EIF4B: variants seen among roughly 807,000 people sequenced by gnomAD.
EIF4B encodes eukaryotic translation initiation factor 4B.
In EIF4B, 8 loss-of-function variants were observed where a neutral mutation model predicts 79.3. The ratio of observed to expected loss-of-function variants is 0.10; its 90% CI spans 0.06 to 0.18. EIF4B has a LOEUF of 0.18. Among genes scored for constraint, EIF4B ranks in the 10% least tolerant of loss-of-function variants. The pLI, the probability that EIF4B is intolerant of heterozygous loss-of-function variation, is 1.00. For missense variants in EIF4B, 515 were observed against 792.4 expected, an observed-to-expected ratio of 0.65 and a Z score of 4.20; for synonymous variants, 238 against 274.7, an observed-to-expected ratio of 0.87 and a Z score of 1.32.
In EIF4B at chr12:53,019,451, T is replaced by A. The variant is rs1224254010; in HGVS notation, c.360+445T>A. Among the ~76,000 whole-genome samples the A allele has an allele frequency of 4.8e-3, 367 of 75,678 alleles. 3 individuals carry two copies. Among genetic ancestry groups the A allele is most frequent in the African/African-American group, 0.017 (355 of 20,606 alleles). The allele number at this position is 75,678 out of a possible 152,430, so 49.6% of individuals were successfully genotyped here. A position where few individuals can be genotyped will look rare whatever the true frequency, so the allele number is the denominator to read the frequency against. On this transcript the variant is annotated intron_variant, in intron 3 of 14. Coordinates refer to ENST00000262056, the MANE Select transcript of EIF4B (RefSeq NM_001417.7). ...TATATATATATATTTTTTTTTTTTC[T>A]TTTTTTTTTTTTTTTTTTTTTTTGA...
chr12:53,018,646 T>A, intron 2 of EIF4B, 152 bp from the exon 3 acceptor site: 1 of 665,996 alleles, frequency 1.5e-6, no homozygotes, highest in Non-Finnish European at 2.6e-6. Flanking sequence ...CTTCTCTTCG[T>A]AAAGTGCCCT....
intron 10 of EIF4B, among the ~76,000 whole-genome samples, chr12:53,035,987 T>TTTTGTATTTTCAATAGAGATGCAGA (rs141046894): frequency 1.3e-5 from 2 of 150,776 alleles, no homozygotes; most frequent in African/African-American, 4.9e-5. Context: ...CCGACTAATT[T>TTTTGTATTTTCAATAGAGATGCAGA]TTTGAACGGG....
At chr12:53,027,733 T>C in intron 6 of EIF4B, 49 bp from the exon 7 acceptor site, 1 of 1,585,924 alleles carries the variant, frequency 6.3e-7, no homozygotes, top group Non-Finnish European at 8.6e-7. Context: ...GTGTTTCTAT[T>C]AATGGTGTCA....
rs201606561 is a variant in EIF4B at position 53,021,835 on chromosome 12, C to T, written c.507C>T (p.Asp169=). ...TAGGTAACAGGAGAATTCGAGTGGA[C>T]GTTGCTGATCAAGCACAGGATAAAG... ...ESLGNRRIRV[D]VADQAQDKDR... The change falls in exon 5 of 15, where the codon GAC becomes GAT. Residue 169 remains aspartate, a synonymous_variant. Coordinates refer to ENST00000262056, the MANE Select transcript of EIF4B (RefSeq NM_001417.7). 48 of 1,614,136 alleles carry T rather than the reference C, an allele frequency of 3.0e-5. No homozygotes were observed. The East Asian group carries it at 5.6e-4, about 19-fold the overall frequency.
At chr12:53,031,086 G>T (rs1184239503) in intron 8 of EIF4B, among the ~76,000 whole-genome samples, 1 of 152,038 alleles carries the variant, frequency 6.6e-6, no homozygotes, top group Non-Finnish European at 1.5e-5. Flanking sequence ...CACGTTACTG[G>T]CCATTGCCTC....
At chr12:53,006,963 A>T (rs1361581245) in intron 1 of EIF4B, among the ~76,000 whole-genome samples, 1 of 90,018 alleles carries the variant, frequency 1.1e-5, no homozygotes, top group Non-Finnish European at 2.2e-5. Context: ...GGGGGGGAGC[A>T]GTTGGAACGC....
At chr12:53,017,281 G>A (rs989338252) in intron 2 of EIF4B, among the ~76,000 whole-genome samples, 6 of 151,128 alleles carry the variant, frequency 4.0e-5, no homozygotes, top group Admixed American at 1.3e-4. Flanking sequence ...ATGTTTCAGT[G>A]TAATCTGTAA....
intron 1 of EIF4B, among the ~76,000 whole-genome samples, chr12:53,014,407 C>T (rs1349108642): frequency 1.4e-5 from 2 of 146,606 alleles, no homozygotes; most frequent in African/African-American, 2.5e-5. Flanking sequence ...AGCGAGACTC[C>T]GTCTCAAAAA....
At chr12:53,029,274 T>C (rs11170380) in intron 8 of EIF4B, among the ~76,000 whole-genome samples, 29,130 of 152,128 alleles carry the variant, frequency 0.19, 4,212 homozygotes, top group East Asian at 0.53. Context: ...TAACCTGTTA[T>C]AAAATACTAA....
chr12:53,027,998 TTG>T lies in EIF4B; in HGVS notation c.806-16_806-15del. ...CCCCCTCCGCTGTGATGATTATAAT[TTG>T]GGATATATTTACAGGCTATGATTCC... On this transcript the variant is annotated splice_polypyrimidine_tract_variant and intron_variant, in intron 7 of 14. Transcript: ENST00000262056. The T allele has an allele frequency of 6.2e-7, 1 of 1,608,172 alleles. No individual in the cohort carries two copies. The highest frequency in any genetic ancestry group is 1.1e-5 in the South Asian group (1 of 90,696).
chr12:53,010,111 G>A (rs1254121626), intron 1 of EIF4B, among the ~76,000 whole-genome samples: 1 of 152,146 alleles, frequency 6.6e-6, no homozygotes, highest in Non-Finnish European at 1.5e-5. Flanking sequence ...TTGTGTAATG[G>A]TTAGCATGGC....
intron 10 of EIF4B, 103 bp downstream of exon 10, chr12:53,034,812 T>G (rs951410392): frequency 1.5e-4 from 206 of 1,339,880 alleles, no homozygotes; most frequent in Non-Finnish European, 2.1e-4. Context: ...AGTCATGAAC[T>G]CTTTATTTGG....
intron 1 of EIF4B, among the ~76,000 whole-genome samples, chr12:53,006,874 G>C (rs1942970194): frequency 6.6e-6 from 1 of 151,116 alleles, no homozygotes; most frequent in Non-Finnish European, 1.5e-5. Context: ...TTGCTGCGCG[G>C]ACGAGTGCAC....
At chr12:53,029,522 C>T (rs1943398647) in intron 8 of EIF4B, among the ~76,000 whole-genome samples, 2 of 151,990 alleles carry the variant, frequency 1.3e-5, no homozygotes, top group Non-Finnish European at 2.9e-5. Context: ...ACTACAGGTG[C>T]ACGCCACCAT....
intron 10 of EIF4B, among the ~76,000 whole-genome samples, chr12:53,034,956 CTTTTTTT>C (rs72498436): frequency 5.5e-5 from 5 of 90,154 alleles, no homozygotes; most frequent in African/African-American, 1.7e-4. Flanking sequence ...TTGTCTCTCT[CTTTTTTT>C]TTTTTTTTTT....
At chr12:53,011,918 G>T (rs1352770003) in intron 1 of EIF4B, among the ~76,000 whole-genome samples, 1 of 152,222 alleles carries the variant, frequency 6.6e-6, no homozygotes, top group East Asian at 1.9e-4. Context: ...GAAAATTAAA[G>T]AATTGGACCA....
intron 8 of EIF4B, among the ~76,000 whole-genome samples, chr12:53,030,905 T>C (rs1352887388): frequency 6.6e-6 from 1 of 152,192 alleles, no homozygotes; most frequent in East Asian, 1.9e-4. Context: ...CCTCATGTTC[T>C]CCTTGACTTC....
chr12:53,040,199 T>C lies in EIF4B; in HGVS notation c.1812T>C (p.Asn604=). 1.2e-6 allele frequency: 2 copies of C among 1,614,096 alleles called. No homozygotes were observed. Among genetic ancestry groups the C allele is most frequent in the East Asian group, 2.2e-5 (1 of 44,890 alleles). ...TCTCTGTTGATGGTGAAGATGAAAA[T>C]GAGGGAGAAGATTATGCCGAATAGA... ...AALSVDGEDE[N]EGEDYAE is the part of the protein sequence containing the mutation. Residue 604 remains asparagine (N), a synonymous_variant, in exon 15 of 15, where the codon AAT becomes AAC. Coordinates refer to ENST00000262056, the MANE Select transcript of EIF4B (RefSeq NM_001417.7).
chr12:53,025,453 A>C (rs57575069), intron 6 of EIF4B: 22,258 of 322,892 alleles, frequency 0.069, 1,308 homozygotes, highest in African/African-American at 0.18. Context: ...GAGAACCCCG[A>C]GGGGTGTTGG....
Sources: allele counts gnomAD v4.1 joint callset (sites outside exome capture counted in the v4.1 genomes callset), GRCh38; gene constraint gnomAD v4.1.1; transcripts MANE v1.5; gene names NCBI Gene and HGNC (gene_info 2026-07-23, HGNC 2026-07-21).